Variants in NRIP3 observed in about 807,000 individuals in gnomAD.
NRIP3 encodes nuclear receptor-interacting protein 3.
NRIP3 carries 31 observed loss-of-function variants against 29.0 expected under a neutral mutation model. The ratio of observed to expected loss-of-function variants is 1.07; its 90% CI spans 0.80 to 1.44. NRIP3 has a LOEUF of 1.44. Ranked by LOEUF, NRIP3 falls within the 40% of genes most tolerant of loss-of-function variation. The pLI, the probability that NRIP3 is intolerant of heterozygous loss-of-function variation, is 0.00. For synonymous variants in NRIP3, 131 were observed against 118.3 expected (o/e 1.11, Z -0.70); for missense variants, 314 against 297.9 (o/e 1.05, Z -0.40).
At chr11:8,985,232 C>G (rs1854498240) in intron 4 of NRIP3, among the ~76,000 whole-genome samples, 1 of 145,826 alleles carries the variant, frequency 6.9e-6, no homozygotes, top group South Asian at 2.2e-4. Flanking sequence ...TGCAGTGGCA[C>G]GATCTCAGCT....
chr11:8,983,949 C>T lies in NRIP3; in HGVS notation c.636G>A (p.Lys212=), dbSNP rs368022312. 1.9e-6 allele frequency: 3 copies of T among 1,614,068 alleles called. No individual in the cohort carries two copies. Among genetic ancestry groups the T allele is most frequent in the Non-Finnish European group, 2.5e-6 (3 of 1,180,022 alleles). ...CTGTCTTCCCCATGATCAGCCGGTG[C>T]TTATCCAAGTTTATGATGCACTGAA... ...RSLKCIINLD[K]HRLIMGKTDK... The change falls in exon 6 of 7, where the codon AAG becomes AAA. Residue 212 remains lysine (K), a synonymous_variant. Transcript: ENST00000309166.
chr11:8,988,148 C>T lies in NRIP3; in HGVS notation c.309G>A (p.Glu103=), dbSNP rs1471455505. 6.2e-7 allele frequency: 1 copy of T among 1,614,166 alleles called. No individual in the cohort carries two copies. Among genetic ancestry groups the T allele is most frequent in the East Asian group, 2.2e-5 (1 of 44,886 alleles). The change falls in exon 2 of 7, where the codon GAG becomes GAA. Residue 103 remains glutamate, a synonymous_variant. Transcript: ENST00000309166. ...AAGAAACCAAAATCATGTCATCCTC[C>T]TCAGACTTCTTTAGCCCCTCAGACT... The part of the protein sequence containing the change: ...QAKSEGLKKS[E]EDDMILVSCQ...
chr11:8,988,287 A>C lies in NRIP3; in HGVS notation c.175-5T>G, dbSNP rs1226174369. On this transcript the variant is annotated splice_polypyrimidine_tract_variant and splice_region_variant and intron_variant, in intron 1 of 6. Coordinates refer to ENST00000309166, the MANE Select transcript of NRIP3 (RefSeq NM_020645.3). ...CTGCAGAATATTATGAGGTTGCTTG[A>C]GGGATAGAAAGCAGAGACTTCTTAG... is the stretch of plus-strand genomic sequence containing the variant. The C allele has an allele frequency of 6.2e-7, 1 of 1,612,180 alleles. No individual in the cohort carries two copies. The highest frequency in any genetic ancestry group is 8.5e-7 in the Non-Finnish European group (1 of 1,178,684).
At chr11:8,983,784 C>G in intron 6 of NRIP3, 91 bp downstream of exon 6, 3 of 1,112,336 alleles carry the variant, frequency 2.7e-6, no homozygotes, top group Non-Finnish European at 2.8e-6. Context: ...AGACAGGATA[C>G]AACCCCATGT....
chr11:8,999,214 G>T (rs1338978663), intron 1 of NRIP3, among the ~76,000 whole-genome samples: 1 of 152,158 alleles, frequency 6.6e-6, no homozygotes, highest in Non-Finnish European at 1.5e-5. Flanking sequence ...AAAACCTCAT[G>T]GTCTTCCTTG....
chr11:8,994,112 A>G (rs1854658973), intron 1 of NRIP3, among the ~76,000 whole-genome samples: 1 of 152,222 alleles, frequency 6.6e-6, no homozygotes, highest in Non-Finnish European at 1.5e-5. Context: ...CAGCAGCTTA[A>G]CAACTTCAGG....
chr11:9,001,870 T>C (rs1854806155), intron 1 of NRIP3, among the ~76,000 whole-genome samples: 1 of 144,532 alleles, frequency 6.9e-6, no homozygotes. Context: ...ATCAACTCCA[T>C]GACGGTGGGG....
At position 8,981,883 on chromosome 11, in the gene NRIP3, A is replaced by G. The variant is rs1223347883; in HGVS notation, c.*1662T>C. Reference sequence around the variant, plus strand: ...TGCAGTATGGCTGCCTAGTTGTTCAAATGATAGTCACCAAGTTCCTAGGCT... The same window carrying G: ...TGCAGTATGGCTGCCTAGTTGTTCAGATGATAGTCACCAAGTTCCTAGGCT... On this transcript the variant is annotated 3_prime_UTR_variant, in exon 7 of 7. Transcript: ENST00000309166. The G allele has an allele frequency of 1.3e-5, 2 of 152,194 alleles. No individual in the cohort carries two copies. The highest frequency in any genetic ancestry group is 1.3e-4 in the Admixed American group (2 of 15,270). 9.4% of individuals were successfully genotyped at this position (152,194 alleles called of 1,614,324 possible).
intron 2 of NRIP3, 121 bp from the exon 3 acceptor site, chr11:8,987,751 G>T (rs78486478): frequency 2.6e-6 from 2 of 775,528 alleles, no homozygotes; most frequent in Non-Finnish European, 2.3e-6. Context: ...CCCAATTATG[G>T]GTTATAGTGT....
chr11:8,988,285 T>G lies in NRIP3; in HGVS notation c.175-3A>C, dbSNP rs1339605384. The G allele has an allele frequency of 6.2e-7, 1 of 1,612,838 alleles. No individual in the cohort carries two copies. On this transcript the variant is annotated splice_polypyrimidine_tract_variant and splice_region_variant and intron_variant, in intron 1 of 6. Coordinates refer to ENST00000309166, the MANE Select transcript of NRIP3 (RefSeq NM_020645.3). Reference sequence around the variant, plus strand: ...CTCTGCAGAATATTATGAGGTTGCTTGAGGGATAGAAAGCAGAGACTTCTT... The same window carrying G: ...CTCTGCAGAATATTATGAGGTTGCTGGAGGGATAGAAAGCAGAGACTTCTT...
chr11:8,991,946 T>G (rs1215099593), intron 1 of NRIP3, among the ~76,000 whole-genome samples: 2 of 152,200 alleles, frequency 1.3e-5, no homozygotes, highest in African/African-American at 4.8e-5. Context: ...AGATGACCAC[T>G]ATGGTTACCT....
intron 1 of NRIP3, among the ~76,000 whole-genome samples, chr11:8,999,742 C>T (rs1414987563): frequency 6.6e-6 from 1 of 152,040 alleles, no homozygotes; most frequent in Non-Finnish European, 1.5e-5. Flanking sequence ...TTTGCACTTG[C>T]TGTTCCTTCT....
intron 1 of NRIP3, among the ~76,000 whole-genome samples, chr11:8,988,522 G>A (rs1854552453): frequency 6.6e-6 from 1 of 152,216 alleles, no homozygotes; most frequent in African/African-American, 2.4e-5. Context: ...GGGAAATGTG[G>A]AGAGGGCCGA....
chr11:9,000,261 C>G (rs905068052), intron 1 of NRIP3, among the ~76,000 whole-genome samples: 5 of 152,188 alleles, frequency 3.3e-5, no homozygotes, highest in African/African-American at 1.2e-4. Context: ...GCAATCACGA[C>G]TCTGCAAATC....
intron 1 of NRIP3, among the ~76,000 whole-genome samples, chr11:8,997,715 C>T (rs561676990): frequency 1.3e-5 from 2 of 152,320 alleles, no homozygotes; most frequent in African/African-American, 2.4e-5. Context: ...TTAAACATCT[C>T]TTCTAACCAA....
chr11:8,994,105 C>A (rs1282638181), intron 1 of NRIP3, among the ~76,000 whole-genome samples: 1 of 152,110 alleles, frequency 6.6e-6, no homozygotes, highest in East Asian at 1.9e-4. Flanking sequence ...ACTAACTCAG[C>A]AGCTTAACAA....
At chr11:9,004,076 G>A (rs1267277626), upstream of NRIP3, 3 of 750,510 alleles carry the variant, frequency 4.0e-6, no homozygotes, top group South Asian at 8.7e-5. Context: ...GCGCGCGGGG[G>A]GCGGGGCCGG....
At chr11:8,996,727 T>C (rs1032718185) in intron 1 of NRIP3, among the ~76,000 whole-genome samples, 1 of 152,236 alleles carries the variant, frequency 6.6e-6, no homozygotes, top group Non-Finnish European at 1.5e-5. Flanking sequence ...TTTATTGACA[T>C]ATTGGCTTTC....
Position 8,983,119 on chromosome 11 carries a change from G to A in NRIP3, c.*426C>T, listed in dbSNP as rs1854448804. The A allele has an allele frequency of 2.4e-6, 1 of 421,906 alleles. No individual in the cohort carries two copies. The highest frequency in any genetic ancestry group is 2.1e-5 in the African/African-American group (1 of 48,596). The allele number at this position is 421,906 out of a possible 1,614,324, so 26.1% of individuals were successfully genotyped here. Reference sequence around the variant, plus strand: ...CTAATTCTAAGACATAGGTATCCTGGCACCTGTTTGAAACAGCTGAAAGGA... The same window carrying A: ...CTAATTCTAAGACATAGGTATCCTGACACCTGTTTGAAACAGCTGAAAGGA... On this transcript the variant is annotated 3_prime_UTR_variant, in exon 7 of 7. Transcript: ENST00000309166.
Sources: allele counts gnomAD v4.1 joint callset (sites outside exome capture counted in the v4.1 genomes callset), GRCh38; gene constraint gnomAD v4.1.1; transcripts MANE v1.5; gene names NCBI Gene and HGNC (gene_info 2026-07-23, HGNC 2026-07-21).